SEMA3E: variants seen among roughly 807,000 people sequenced by gnomAD.
The protein encoded by SEMA3E is semaphorin-3E.
SEMA3E carries 49 observed loss-of-function variants against 93.6 expected under a neutral mutation model. The observed-to-expected ratio is 0.52, with a 90% CI of 0.42 to 0.66. The LOEUF (loss-of-function observed/expected upper bound fraction) is 0.66. Ranked by LOEUF, SEMA3E falls within the 30% of genes least tolerant of loss-of-function variation. The probability of loss-of-function intolerance (pLI) is 0.00; values close to 1 mark genes in which losing one functional copy is unlikely to be tolerated. For synonymous variants in SEMA3E, 363 were observed against 330.7 expected (o/e 1.10, Z -1.06); for missense variants, 906 against 964.8 (o/e 0.94, Z 0.81).
rs553954469 is a variant in SEMA3E at position 83,522,447 on chromosome 7, T to G, written c.116-32173A>C. On this transcript the variant is annotated intron_variant, in intron 1 of 16. Coordinates refer to ENST00000643230, the MANE Select transcript of SEMA3E (RefSeq NM_012431.3). ...TCCCTCGACTCTATCAGGGTACATC[T>G]AGGGGTTAATTTATAATCTAAAGTT... is the stretch of plus-strand genomic sequence containing the variant. 4.4e-4 allele frequency among the ~76,000 whole-genome samples: 67 copies of G among 152,182 alleles called. 1 individual carries two copies. Among genetic ancestry groups the G allele is most frequent in the Middle Eastern group, 3.4e-3 (1 of 294 alleles).
intron 1 of SEMA3E, among the ~76,000 whole-genome samples, chr7:83,596,718 T>G (rs1317761720): frequency 6.6e-6 from 1 of 152,090 alleles, no homozygotes; most frequent in Non-Finnish European, 1.5e-5. Flanking sequence ...ACATAGGATC[T>G]CTTTTTATTG....
intron 1 of SEMA3E, among the ~76,000 whole-genome samples, chr7:83,646,317 G>A (rs1450974676): frequency 6.6e-6 from 1 of 152,010 alleles, no homozygotes; most frequent in Non-Finnish European, 1.5e-5. Flanking sequence ...AGTCTAGAGA[G>A]ATAAATGGGC....
intron 1 of SEMA3E, among the ~76,000 whole-genome samples, chr7:83,638,015 A>C (rs550168717): frequency 1.0e-3 from 156 of 152,148 alleles, no homozygotes; most frequent in Middle Eastern, 6.8e-3. Flanking sequence ...AAAGCAATAA[A>C]CTTTGTTAAT....
intron 12 of SEMA3E, among the ~76,000 whole-genome samples, chr7:83,394,899 G>A (rs1788091564): frequency 6.6e-6 from 1 of 152,052 alleles, no homozygotes; most frequent in Non-Finnish European, 1.5e-5. Context: ...CATAGCTTTG[G>A]GAACCAACAT....
chr7:83,511,219 G>A (rs1584299106), intron 1 of SEMA3E, among the ~76,000 whole-genome samples: 1 of 151,188 alleles, frequency 6.6e-6, no homozygotes, highest in African/African-American at 2.4e-5. Context: ...AATGGTGGCA[G>A]GACAATTGTA....
chr7:83,472,082 C>G (rs889166537), intron 2 of SEMA3E, among the ~76,000 whole-genome samples: 2 of 152,160 alleles, frequency 1.3e-5, no homozygotes, highest in African/African-American at 4.8e-5. Flanking sequence ...GCTTCCAAGT[C>G]TCTATCACAT....
At chr7:83,421,999 GA>G (rs1219656259) in intron 4 of SEMA3E, among the ~76,000 whole-genome samples, 1 of 152,050 alleles carries the variant, frequency 6.6e-6, no homozygotes, top group East Asian at 1.9e-4. Flanking sequence ...CCAAAATGAA[GA>G]AATCCAGTCT....
intron 1 of SEMA3E, among the ~76,000 whole-genome samples, chr7:83,617,367 A>T (rs2115610885): frequency 6.7e-6 from 1 of 149,294 alleles, no homozygotes; most frequent in Admixed American, 6.7e-5. Flanking sequence ...CATGTCACAG[A>T]GTATGAAAGG....
Position 83,467,057 on chromosome 7 carries a change from CTTTTTTT to C in SEMA3E, c.337-463_337-457del, listed in dbSNP as rs59059670. Among the ~76,000 whole-genome samples the C allele has an allele frequency of 3.3e-3, 386 of 117,138 alleles. 1 individual carries two copies. The highest frequency in any genetic ancestry group is 8.8e-3 in the African/African-American group (255 of 28,998). The allele number at this position is 117,138 out of a possible 152,430, so 76.8% of individuals were successfully genotyped here. On this transcript the variant is annotated intron_variant, in intron 3 of 16. Transcript: ENST00000643230. Reference sequence around the variant, plus strand: ...AGTTATTCATATGGAAATATGCAGTCTTTTTTTTTTTTTTTTTTTTTTCCCAAGACAG... The same window carrying C: ...AGTTATTCATATGGAAATATGCAGTCTTTTTTTTTTTTTTTCCCAAGACAG...
chr7:83,621,585 G>A (rs1012788046), intron 1 of SEMA3E, among the ~76,000 whole-genome samples: 6 of 151,958 alleles, frequency 3.9e-5, no homozygotes, highest in African/African-American at 9.7e-5. Flanking sequence ...CACACTACCC[G>A]ACTTCAATGC....
chr7:83,417,036 G>T (rs1051679177), intron 5 of SEMA3E, among the ~76,000 whole-genome samples: 10 of 148,042 alleles, frequency 6.8e-5, no homozygotes, highest in Non-Finnish European at 1.5e-4. Context: ...GAGAGAGAGA[G>T]AATTGGTAGA....
chr7:83,367,422 C>A lies in SEMA3E; in HGVS notation c.*164G>T. On this transcript the variant is annotated 3_prime_UTR_variant, in exon 17 of 17. Coordinates refer to ENST00000643230, the MANE Select transcript of SEMA3E (RefSeq NM_012431.3). ...TAGTTAATTTTATGTAAAGTTTATC[C>A]AGTCAAATGAGTATGTAGAATAATT... 1.5e-6 allele frequency: 1 copy of A among 686,266 alleles called. No homozygotes were observed. Among genetic ancestry groups the A allele is most frequent in the Non-Finnish European group, 2.5e-6 (1 of 401,234 alleles). The allele number at this position is 686,266 out of a possible 1,614,324, so 42.5% of individuals were successfully genotyped here.
intron 1 of SEMA3E, among the ~76,000 whole-genome samples, chr7:83,570,453 T>C (rs1792256424): frequency 7.4e-6 from 1 of 135,646 alleles, no homozygotes; most frequent in African/African-American, 2.9e-5. Flanking sequence ...CTTGGGAGGC[T>C]GAGGCAGGAG....
chr7:83,450,672 ATG>A (rs377345398), intron 4 of SEMA3E, among the ~76,000 whole-genome samples: 124 of 151,728 alleles, frequency 8.2e-4, no homozygotes, highest in African/African-American at 2.9e-3. Context: ...GCTTAAATTG[ATG>A]TGTTCAATTT....
At chr7:83,561,826 T>G (rs1192232850) in intron 1 of SEMA3E, among the ~76,000 whole-genome samples, 2 of 152,154 alleles carry the variant, frequency 1.3e-5, no homozygotes, top group Non-Finnish European at 2.9e-5. Flanking sequence ...AGTTAACACA[T>G]AGAAATCTTG....
intron 1 of SEMA3E, among the ~76,000 whole-genome samples, chr7:83,583,695 T>A (rs80156006): frequency 0.018 from 2,800 of 152,264 alleles, 84 homozygotes; most frequent in African/African-American, 0.064. Flanking sequence ...GGTTAGATGT[T>A]GACATGTGAA....
intron 7 of SEMA3E, 142 bp from the exon 8 acceptor site, chr7:83,406,201 C>T (rs1788327302): frequency 1.4e-6 from 1 of 699,388 alleles, no homozygotes; most frequent in Non-Finnish European, 2.6e-6. Flanking sequence ...CAAGTAATGT[C>T]ATAGGTGCAA....
At chr7:83,464,932 A>G (rs1431886928) in intron 4 of SEMA3E, among the ~76,000 whole-genome samples, 1 of 151,684 alleles carries the variant, frequency 6.6e-6, no homozygotes, top group East Asian at 2.0e-4. Context: ...ATAAGAAGGC[A>G]GGAATGTCAG....
intron 1 of SEMA3E, among the ~76,000 whole-genome samples, chr7:83,503,026 TGATGTCAATAAG>T (rs1562809658): frequency 1.3e-5 from 2 of 151,212 alleles, no homozygotes; most frequent in Non-Finnish European, 2.9e-5. Context: ...TTTTTTTTTT[TGATGTCAATAAG>T]TTATGGGTCA....
Sources: allele counts gnomAD v4.1 joint callset (sites outside exome capture counted in the v4.1 genomes callset), GRCh38; gene constraint gnomAD v4.1.1; transcripts MANE v1.5; gene names NCBI Gene and HGNC (gene_info 2026-07-23, HGNC 2026-07-21).